FGD4: variants seen among roughly 807,000 people sequenced by gnomAD.
FGD4 encodes the protein FYVE, RhoGEF and PH domain containing 4.
A neutral mutation model predicts 102.0 loss-of-function variants in FGD4; 42 were observed. The ratio of observed to expected loss-of-function variants is 0.41; its 90% CI spans 0.32 to 0.53. The LOEUF is 0.53. Among genes scored for constraint, FGD4 ranks in the 20% least tolerant of loss-of-function variants. FGD4 has a pLI of 0.21. For missense variants in FGD4, 902 were observed against 1,078.2 expected (o/e 0.84, Z 2.29); for synonymous variants, 380 against 375.7 (o/e 1.01, Z -0.13).
At chr12:32,466,904 A>C (rs2136508423) in intron 1 of FGD4, among the ~76,000 whole-genome samples, 3 of 149,048 alleles carry the variant, frequency 2.0e-5, no homozygotes, top group Admixed American at 6.8e-5. Context: ...TAGCAATTAC[A>C]CCTCCTACGG....
chr12:32,439,555 T>G (rs745435612), intron 1 of FGD4, among the ~76,000 whole-genome samples: 1 of 152,246 alleles, frequency 6.6e-6, no homozygotes, highest in Non-Finnish European at 1.5e-5. Flanking sequence ...TTTCCCATAA[T>G]GGCTATACTA....
intron 14 of FGD4, among the ~76,000 whole-genome samples, chr12:32,626,046 G>GAACTTTTAACTTCTCAA (rs1950146928): frequency 6.6e-6 from 1 of 152,190 alleles, no homozygotes. Context: ...AAGCAATTGA[G>GAACTTTTAACTTCTCAA]AAGTTAAAAA....
At chr12:32,600,352 G>A (rs1948297765) in intron 5 of FGD4, 1 of 736,108 alleles carries the variant, frequency 1.4e-6, no homozygotes, top group Non-Finnish European at 2.0e-6. Flanking sequence ...AATTACTATA[G>A]TAACCTAACT....
At chr12:32,493,152 C>A (rs1192607054) in intron 1 of FGD4, among the ~76,000 whole-genome samples, 1 of 152,202 alleles carries the variant, frequency 6.6e-6, no homozygotes, top group Non-Finnish European at 1.5e-5. Context: ...ATCAAAGTCA[C>A]TGGGCAGTCA....
Position 32,565,667 on chromosome 12 carries a change from A to G in FGD4, c.319+1378A>G, listed in dbSNP as rs560072338. On this transcript the variant is annotated intron_variant, in intron 2 of 16. Coordinates refer to ENST00000534526, the MANE Select transcript of FGD4 (RefSeq NM_001370298.3). The stretch of plus-strand genomic sequence containing the variant: ...CCAACGTCAGTGTATTGAGAGATAT[A>G]AGAGTGTCCTTTCTGAGTTGCATGT... Among the ~76,000 whole-genome samples, 34 of 152,312 alleles carry G rather than the reference A, an allele frequency of 2.2e-4. No individual in the cohort carries two copies. The South Asian group carries it at 6.8e-3, about 31-fold the overall frequency.
At chr12:32,563,294 G>C (rs975735940) in intron 1 of FGD4, among the ~76,000 whole-genome samples, 2 of 150,352 alleles carry the variant, frequency 1.3e-5, no homozygotes, top group African/African-American at 2.5e-5. Context: ...CGGGGCGGCC[G>C]GGCAGAGACG....
intron 4 of FGD4, among the ~76,000 whole-genome samples, chr12:32,587,104 T>C (rs1432714796): frequency 1.3e-5 from 2 of 150,018 alleles, no homozygotes; most frequent in African/African-American, 4.9e-5. Context: ...GCAGGCGAAT[T>C]GCTTGAATTC....
intron 1 of FGD4, among the ~76,000 whole-genome samples, chr12:32,469,800 C>T (rs891675069): frequency 1.3e-5 from 2 of 151,944 alleles, no homozygotes; most frequent in African/African-American, 4.8e-5. Flanking sequence ...GCTGGGATTA[C>T]AGGCATGCGG....
At chr12:32,566,456 T>A (rs1945195622) in intron 2 of FGD4, among the ~76,000 whole-genome samples, 1 of 152,186 alleles carries the variant, frequency 6.6e-6, no homozygotes, top group Non-Finnish European at 1.5e-5. Flanking sequence ...GTTTTACTCA[T>A]CAGCTCAGTT....
chr12:32,625,874 A>G (rs1465231465), intron 14 of FGD4, 95 bp downstream of exon 14: 3 of 1,533,470 alleles, frequency 2.0e-6, no homozygotes, highest in African/African-American at 2.7e-5. Flanking sequence ...ACTTTCAACA[A>G]ATCACTTAAT....
At chr12:32,439,118 C>A (rs1389333162) in intron 1 of FGD4, among the ~76,000 whole-genome samples, 1 of 152,082 alleles carries the variant, frequency 6.6e-6, no homozygotes, top group African/African-American at 2.4e-5. Context: ...AACATTTCCC[C>A]AAAACTGCAC....
At chr12:32,554,468 T>C (rs1943938367) in intron 1 of FGD4, among the ~76,000 whole-genome samples, 1 of 152,220 alleles carries the variant, frequency 6.6e-6, no homozygotes, top group Non-Finnish European at 1.5e-5. Context: ...CAGAATTCAT[T>C]TGTTTGACAA....
intron 4 of FGD4, among the ~76,000 whole-genome samples, chr12:32,595,848 CTATTA>C (rs1460544531): frequency 1.3e-5 from 2 of 152,268 alleles, no homozygotes; most frequent in African/African-American, 2.4e-5. Context: ...TATTTAAACA[CTATTA>C]TATTGCTATA....
At chr12:32,497,637 G>C (rs577333573) in intron 1 of FGD4, among the ~76,000 whole-genome samples, 2 of 152,258 alleles carry the variant, frequency 1.3e-5, no homozygotes, top group African/African-American at 4.8e-5. Context: ...CATTTGTCAA[G>C]AAGGAGTTTC....
At chr12:32,527,665 T>C (rs906313299) in intron 1 of FGD4, among the ~76,000 whole-genome samples, 1 of 152,098 alleles carries the variant, frequency 6.6e-6, no homozygotes, top group African/African-American at 2.4e-5. Flanking sequence ...CCTGACCCTG[T>C]GATCCACCCG....
Position 32,585,222 on chromosome 12 carries a change from T to TTATATATATATA in FGD4, c.1011+2779_1011+2790dup, listed in dbSNP as rs140227421. Among the ~76,000 whole-genome samples, 608 of 115,984 alleles carry TTATATATATATA rather than the reference T, an allele frequency of 5.2e-3. 3 individuals are homozygous for TTATATATATATA. The highest frequency in any genetic ancestry group is 0.011 in the African/African-American group (345 of 32,552). The allele number at this position is 115,984 out of a possible 152,430, so 76.1% of individuals were successfully genotyped here. A position where few individuals can be genotyped will look rare whatever the true frequency, so the allele number is the denominator to read the frequency against. The stretch of plus-strand genomic sequence containing the variant: ...AGAGTGAGACCCTGTCTCAAAAATT[T>TTATATATATATA]TATATATATATATATATATATATAT... On this transcript the variant is annotated intron_variant, in intron 4 of 16. Coordinates refer to ENST00000534526, the MANE Select transcript of FGD4 (RefSeq NM_001370298.3).
At chr12:32,425,105 G>A (rs1487484546) in intron 1 of FGD4, among the ~76,000 whole-genome samples, 1 of 152,148 alleles carries the variant, frequency 6.6e-6, no homozygotes, top group African/African-American at 2.4e-5. Flanking sequence ...TTTGGCTTTT[G>A]TTGCCATTGC....
rs190440745 is a variant in FGD4 at position 32,556,562 on chromosome 12, T to C, written c.167-7575T>C. Among the ~76,000 whole-genome samples, 258 of 152,252 alleles carry C rather than the reference T, an allele frequency of 1.7e-3. 1 individual carries two copies. The highest frequency in any genetic ancestry group is 3.5e-3 in the Admixed American group (53 of 15,294). ...CAAGATTCATCCATGCTGTAGCATATGATAGAATTTCCTGCTGGGCGCAGT... is the reference window on the plus strand; with the variant it reads ...CAAGATTCATCCATGCTGTAGCATACGATAGAATTTCCTGCTGGGCGCAGT... On this transcript the variant is annotated intron_variant, in intron 1 of 16. Transcript: ENST00000534526.
chr12:32,544,755 A>G lies in FGD4; in HGVS notation c.167-19382A>G, dbSNP rs117703896. ...CCAAAAAAAAAAAATTACTATTAAA[A>G]TTAGTCTTCATGGTGTTTTGGTGAA... On this transcript the variant is annotated intron_variant, in intron 1 of 16. Coordinates refer to ENST00000534526, the MANE Select transcript of FGD4 (RefSeq NM_001370298.3). This position sits in a 1 kb window ranked among gnomAD's most constrained non-coding sequence, Gnocchi z 4.1. Among the ~76,000 whole-genome samples the G allele has an allele frequency of 0.015, 2,259 of 152,156 alleles. 22 individuals are homozygous for G. Among genetic ancestry groups the G allele is most frequent in the Non-Finnish European group, 0.022 (1,499 of 67,976 alleles).
Sources: gnomAD v4.1 joint callset for allele counts (sites outside exome capture counted in the v4.1 genomes callset) on GRCh38, gnomAD v4.1.1 for gene constraint, Gnocchi (gnomAD v3.1) non-coding constraint, MANE v1.5 for transcripts, NCBI Gene and HGNC (gene_info 2026-07-23, HGNC 2026-07-21) for gene names.